The following APOL6 variants were observed in gnomAD, a reference collection of about 807,000 sequenced individuals.
APOL6 encodes the protein apolipoprotein L, 6.
Under a neutral mutation model 2.4 loss-of-function variants are expected in APOL6, and 1 was observed. The ratio of observed to expected loss-of-function variants is 0.41; its 90% CI spans 0.15 to 1.94. APOL6 has a LOEUF of 1.94. Among genes scored for constraint, APOL6 ranks in the 30% most tolerant of loss-of-function variants. The probability of loss-of-function intolerance (pLI) is 0.30; values close to 1 mark genes in which losing one functional copy is unlikely to be tolerated. For synonymous variants in APOL6, 189 were observed against 169.3 expected, an observed-to-expected ratio of 1.12 and a Z score of -0.90; for missense variants, 438 against 429.2, an observed-to-expected ratio of 1.02 and a Z score of -0.18.
Position 35,658,768 on chromosome 22 carries a change from C to CA in APOL6, c.208dup (p.Thr70AsnfsTer9). The CA allele has an allele frequency of 6.2e-7, 1 of 1,614,162 alleles. No individual in the cohort carries two copies. Among genetic ancestry groups the CA allele is most frequent in the Non-Finnish European group, 8.5e-7 (1 of 1,180,024 alleles). ...TCCGTGCCCTCGCAGACGATATTGA[C>CA]AAAACCCACAAGAAATTCACCAAGG... On this transcript the variant is annotated frameshift_variant, in exon 3 of 3. Transcript: ENST00000409652. LOFTEE classifies it low-confidence loss of function (END_TRUNC).
Position 35,653,637 on chromosome 22 carries a change from C to T in APOL6, c.-47-2742C>T, listed in dbSNP as rs371565713. Among the ~76,000 whole-genome samples the T allele has an allele frequency of 1.1e-4, 17 of 152,250 alleles. No homozygotes were observed. The South Asian group carries it at 2.5e-3, about 22-fold the overall frequency. ...AGGCAGAAGGGCAAGAGGGCGTGTG[C>T]GAGAGAGGTGAAGGAAGGAGGCTGA... On this transcript the variant is annotated intron_variant, in intron 1 of 2. Transcript: ENST00000409652.
chr22:35,651,497 T>A (rs986811017), intron 1 of APOL6, among the ~76,000 whole-genome samples: 4 of 152,146 alleles, frequency 2.6e-5, no homozygotes, highest in Non-Finnish European at 5.9e-5. Flanking sequence ...GCTGCACCCA[T>A]TAACTCATCA....
rs1310710673 is a variant in APOL6, at chr22:35,665,492, C to T, written c.*5896C>T. The T allele has an allele frequency of 1.3e-5, 2 of 152,182 alleles. No homozygotes were observed. Among genetic ancestry groups the T allele is most frequent in the South Asian group, 4.1e-4 (2 of 4,826 alleles). 9.4% of individuals were successfully genotyped at this position (152,182 alleles called of 1,614,324 possible). A position where few individuals can be genotyped will look rare whatever the true frequency, so the allele number is the denominator to read the frequency against. Reference sequence around the variant, plus strand: ...CCGATTTTGAAAGATCCAGTAAGTTCAGTTTCTCTATGAACTAATCATTCA... The same window carrying T: ...CCGATTTTGAAAGATCCAGTAAGTTTAGTTTCTCTATGAACTAATCATTCA... On this transcript the variant is annotated 3_prime_UTR_variant, in exon 3 of 3. Transcript: ENST00000409652.
Position 35,667,169 on chromosome 22 carries a change from G to T in APOL6, c.*7573G>T, listed in dbSNP as rs1207259405. Reference sequence around the variant, plus strand: ...CTCCGTACAAGATTTCTGACCTGTAGTAAGTAAAGAATGTCACTTTCTGAC... The same window carrying T: ...CTCCGTACAAGATTTCTGACCTGTATTAAGTAAAGAATGTCACTTTCTGAC... On this transcript the variant is annotated 3_prime_UTR_variant, in exon 3 of 3. Transcript: ENST00000409652. 1 of 152,176 alleles carries T rather than the reference G, an allele frequency of 6.6e-6. No homozygotes were observed. The highest frequency in any genetic ancestry group is 2.4e-5 in the African/African-American group (1 of 41,440). The allele number at this position is 152,176 out of a possible 1,614,324, so 9.4% of individuals were successfully genotyped here.
In APOL6 at chr22:35,666,054, AAATATGTTATTGGTGT is replaced by A. The variant is rs1925173379; in HGVS notation, c.*6460_*6475del. 1.3e-5 allele frequency: 2 copies of A among 152,162 alleles called. No individual in the cohort carries two copies. The highest frequency in any genetic ancestry group is 4.1e-4 in the South Asian group (2 of 4,826). The allele number at this position is 152,162 out of a possible 1,614,324, so 9.4% of individuals were successfully genotyped here. ...GGTTTTCTTTGGGCTGTATTTGTATAAATATGTTATTGGTGTATGTTCCAAAATTATGTGAAACTCC... is the reference window on the plus strand; with the variant it reads ...GGTTTTCTTTGGGCTGTATTTGTATAATGTTCCAAAATTATGTGAAACTCC... On this transcript the variant is annotated 3_prime_UTR_variant, in exon 3 of 3. Coordinates refer to ENST00000409652, the MANE Select transcript of APOL6 (RefSeq NM_030641.4).
intron 1 of APOL6, among the ~76,000 whole-genome samples, chr22:35,650,210 T>C (rs1464763021): frequency 6.6e-6 from 1 of 152,166 alleles, no homozygotes; most frequent in Non-Finnish European, 1.5e-5. Flanking sequence ...AAACCTAGCT[T>C]CACATACCAA....
rs1445306348 is a variant in APOL6, at chr22:35,662,164, T to TGGAAG, written c.*2577_*2581dup. 6.6e-6 allele frequency: 1 copy of TGGAAG among 152,160 alleles called. No individual in the cohort carries two copies. The highest frequency in any genetic ancestry group is 1.9e-4 in the East Asian group (1 of 5,200). The allele number at this position is 152,160 out of a possible 1,614,324, so 9.4% of individuals were successfully genotyped here. On this transcript the variant is annotated 3_prime_UTR_variant, in exon 3 of 3. Coordinates refer to ENST00000409652, the MANE Select transcript of APOL6 (RefSeq NM_030641.4). Reference sequence around the variant, plus strand: ...TCAAAGAAAATCCCTCCCTGTGCTTTGGAAGGGAAGGGAGGTGGGCAGCAG... The same window carrying TGGAAG: ...TCAAAGAAAATCCCTCCCTGTGCTTTGGAAGGGAAGGGAAGGGAGGTGGGCAGCAG...
chr22:35,658,031 T>C (rs2073171884), intron 2 of APOL6, among the ~76,000 whole-genome samples: 1 of 152,118 alleles, frequency 6.6e-6, no homozygotes, highest in African/African-American at 2.4e-5. Context: ...ACATGAATAA[T>C]AATTTATCTC....
intron 1 of APOL6, among the ~76,000 whole-genome samples, chr22:35,654,815 G>A (rs1022121325): frequency 6.6e-6 from 1 of 151,992 alleles, no homozygotes; most frequent in Non-Finnish European, 1.5e-5. Flanking sequence ...TTATTGAGGC[G>A]AAGGCAATTA....
intron 1 of APOL6, among the ~76,000 whole-genome samples, chr22:35,649,070 T>C (rs1924621308): frequency 6.6e-6 from 1 of 152,182 alleles, no homozygotes; most frequent in South Asian, 2.1e-4. Context: ...AAAGCCAACC[T>C]ACAGAGTTTT....
chr22:35,651,261 C>A (rs1012938318), intron 1 of APOL6, among the ~76,000 whole-genome samples: 26 of 152,230 alleles, frequency 1.7e-4, no homozygotes, highest in Non-Finnish European at 3.2e-4. Context: ...GCCAGTAGGG[C>A]GCACTTCTGC....
rs1924954163 is a variant in APOL6, at chr22:35,659,399, G to A, written c.835G>A (p.Glu279Lys). 1.2e-6 allele frequency: 2 copies of A among 1,613,964 alleles called. No individual in the cohort carries two copies. Among genetic ancestry groups the A allele is most frequent in the Admixed American group, 1.7e-5 (1 of 59,994 alleles). Reference protein sequence around the residue: ...EELRAKALELERKLTELTQLY... With the variant: ...EELRAKALELKRKLTELTQLY... ...GTTGAGAGCCAAGGCCTTGGAGCTG[G>A]AGAGGAAACTCACAGAACTCACCCA... is the stretch of plus-strand genomic sequence containing the variant. Residue 279 changes from glutamate (E) to lysine (K), a missense_variant, in exon 3 of 3, where the codon GAG becomes AAG. Transcript: ENST00000409652.
chr22:35,665,880 C>T lies in APOL6; in HGVS notation c.*6284C>T, dbSNP rs1294817482. 3 of 152,152 alleles carry T rather than the reference C, an allele frequency of 2.0e-5. No homozygotes were observed. Among genetic ancestry groups the T allele is most frequent in the African/African-American group, 7.2e-5 (3 of 41,444 alleles). The allele number at this position is 152,152 out of a possible 1,614,324, so 9.4% of individuals were successfully genotyped here. A position where few individuals can be genotyped will look rare whatever the true frequency, so the allele number is the denominator to read the frequency against. The stretch of plus-strand genomic sequence containing the variant: ...TTTTAAACCTTTTGTATTTGACAAG[C>T]TTTCCAAAATCAAATTATAAATTAT... On this transcript the variant is annotated 3_prime_UTR_variant, in exon 3 of 3. Coordinates refer to ENST00000409652, the MANE Select transcript of APOL6 (RefSeq NM_030641.4).
Position 35,662,407 on chromosome 22 carries a change from C to G in APOL6, c.*2811C>G, listed in dbSNP as rs1345171330. Reference sequence around the variant, plus strand: ...GAAACTTCTTAGGGCAAACCCACCTCCCACTCTATTCAAAGTTATCTCTCT... The same window carrying G: ...GAAACTTCTTAGGGCAAACCCACCTGCCACTCTATTCAAAGTTATCTCTCT... On this transcript the variant is annotated 3_prime_UTR_variant, in exon 3 of 3. Transcript: ENST00000409652. The G allele has an allele frequency of 6.6e-6, 1 of 152,120 alleles. No homozygotes were observed. Among genetic ancestry groups the G allele is most frequent in the African/African-American group, 2.4e-5 (1 of 41,416 alleles). 9.4% of individuals were successfully genotyped at this position (152,120 alleles called of 1,614,324 possible). A position where few individuals can be genotyped will look rare whatever the true frequency, so the allele number is the denominator to read the frequency against.
intron 1 of APOL6, among the ~76,000 whole-genome samples, chr22:35,651,766 A>G (rs182599618): frequency 1.3e-5 from 2 of 152,296 alleles, no homozygotes; most frequent in African/African-American, 4.8e-5. Flanking sequence ...CATGGTGTAT[A>G]TGTGCCACAT....
intron 1 of APOL6, among the ~76,000 whole-genome samples, chr22:35,651,214 C>G (rs1314712608): frequency 6.6e-6 from 1 of 152,176 alleles, no homozygotes; most frequent in African/African-American, 2.4e-5. Flanking sequence ...CATTTAGTGT[C>G]TCACAGTTCT....
chr22:35,665,759 T>A lies in APOL6; in HGVS notation c.*6163T>A, dbSNP rs577494988. The A allele has an allele frequency of 6.6e-6, 1 of 152,242 alleles. No homozygotes were observed. The highest frequency in any genetic ancestry group is 1.9e-4 in the East Asian group (1 of 5,206). 9.4% of individuals were successfully genotyped at this position (152,242 alleles called of 1,614,324 possible). ...AAGTTAAGTCACCTCTCTCAAAGAA[T>A]GAAGGTTTTTGCTTTTTTTGAAATC... On this transcript the variant is annotated 3_prime_UTR_variant, in exon 3 of 3. Coordinates refer to ENST00000409652, the MANE Select transcript of APOL6 (RefSeq NM_030641.4).
At chr22:35,657,867 C>T (rs1410182061) in intron 2 of APOL6, among the ~76,000 whole-genome samples, 2 of 152,224 alleles carry the variant, frequency 1.3e-5, no homozygotes, top group East Asian at 1.9e-4. Flanking sequence ...TCAAAGCCAA[C>T]TGGCCTGGCA....
rs2145961920 is a variant in APOL6 at position 35,663,716 on chromosome 22, A to G, written c.*4120A>G. ...AGACTTTTCCTCTCTGTACCTTATC[A>G]TGTAAATTTTGCTATTTGATTTTCA... On this transcript the variant is annotated 3_prime_UTR_variant, in exon 3 of 3. Coordinates refer to ENST00000409652, the MANE Select transcript of APOL6 (RefSeq NM_030641.4). 1 of 152,252 alleles carries G rather than the reference A, an allele frequency of 6.6e-6. No individual in the cohort carries two copies. The highest frequency in any genetic ancestry group is 2.4e-5 in the African/African-American group (1 of 41,548). The allele number at this position is 152,252 out of a possible 1,614,324, so 9.4% of individuals were successfully genotyped here.
Sources: gnomAD v4.1 joint callset for allele counts (sites outside exome capture counted in the v4.1 genomes callset) on GRCh38, gnomAD v4.1.1 for gene constraint, MANE v1.5 for transcripts, NCBI Gene and HGNC (gene_info 2026-07-23, HGNC 2026-07-21) for gene names.